The following MALRD1 variants were observed in gnomAD, a reference collection of about 807,000 sequenced individuals.
MALRD1 encodes MAM and LDL receptor class A domain containing 1.
In MALRD1, 247 loss-of-function variants were observed where a neutral mutation model predicts 242.1. The observed-to-expected ratio is 1.02, with a 90% confidence interval of 0.92 to 1.13. MALRD1 has a LOEUF of 1.13. Ranked by LOEUF, MALRD1 falls within the 50% of genes most tolerant of loss-of-function variation. The probability of loss-of-function intolerance (pLI) is 0.00; values close to 1 mark genes in which losing one functional copy is unlikely to be tolerated. For missense variants in MALRD1, 2,989 were observed against 2,533.1 expected, an observed-to-expected ratio of 1.18 and a Z score of -3.86; for synonymous variants, 995 against 866.6, an observed-to-expected ratio of 1.15 and a Z score of -2.60.
chr10:19,634,919 A>T (rs945150485), intron 36 of MALRD1, among the ~76,000 whole-genome samples: 5 of 152,194 alleles, frequency 3.3e-5, no homozygotes, highest in Non-Finnish European at 5.9e-5. Flanking sequence ...GGTTCACCAG[A>T]TGAAACTGGA....
intron 36 of MALRD1, among the ~76,000 whole-genome samples, chr10:19,646,187 AAG>A (rs1383550844): frequency 6.6e-6 from 1 of 152,180 alleles, no homozygotes; most frequent in African/African-American, 2.4e-5. Flanking sequence ...GTTCATTAGG[AAG>A]AGTGTTGGCA....
intron 21 of MALRD1, among the ~76,000 whole-genome samples, chr10:19,292,242 T>A (rs1377620516): frequency 6.6e-6 from 1 of 152,130 alleles, no homozygotes; most frequent in Non-Finnish European, 1.5e-5. Context: ...ACAATGTTTT[T>A]TTCTGTCGTT....
chr10:19,179,222 G>A (rs1005502360), intron 14 of MALRD1, among the ~76,000 whole-genome samples: 1 of 152,164 alleles, frequency 6.6e-6, no homozygotes, highest in Non-Finnish European at 1.5e-5. Context: ...GTTCTGGGAG[G>A]AGAGGAAGTG....
rs180849797 is a variant in MALRD1, at chr10:19,051,832, G to A, written c.199+2695G>A. 1,303 of 152,054 alleles carry A rather than the reference G, an allele frequency of 8.6e-3. 9 individuals are homozygous for A. Among genetic ancestry groups the A allele is most frequent in the Admixed American group, 0.019 (259 of 13,410 alleles). 9.4% of individuals were successfully genotyped at this position (152,054 alleles called of 1,614,324 possible). A position where few individuals can be genotyped will look rare whatever the true frequency, so the allele number is the denominator to read the frequency against. ...AGCTACTTGGGAGGCTGAGGCAGGA[G>A]AATGGTGTGAACCCGGGATGCGGAC... On this transcript the variant is annotated intron_variant, in intron 1 of 39. Coordinates refer to ENST00000454679, the MANE Select transcript of MALRD1 (RefSeq NM_001142308.3).
rs550141920 is a variant in MALRD1, at chr10:19,454,425, T to C, written c.5029+3935T>C. 1.1e-3 allele frequency among the ~76,000 whole-genome samples: 155 copies of C among 139,932 alleles called. 6 individuals carry two copies. The highest frequency in any genetic ancestry group is 2.5e-3 in the African/African-American group (95 of 37,910). The allele number at this position is 139,932 out of a possible 152,430, so 91.8% of individuals were successfully genotyped here. On this transcript the variant is annotated intron_variant, in intron 29 of 39. Coordinates refer to ENST00000454679, the MANE Select transcript of MALRD1 (RefSeq NM_001142308.3). Reference sequence around the variant, plus strand: ...CATATGATATATATATATATATATATATATATAATTATATGATACATACAT... The same window carrying C: ...CATATGATATATATATATATATATACATATATAATTATATGATACATACAT...
intron 36 of MALRD1, among the ~76,000 whole-genome samples, chr10:19,646,612 A>G (rs1401519151): frequency 6.6e-6 from 1 of 152,132 alleles, no homozygotes; most frequent in East Asian, 1.9e-4. Flanking sequence ...CTCAAGAAAA[A>G]AAAAAAATAA....
At chr10:19,417,767 G>A (rs1328562325) in intron 28 of MALRD1, among the ~76,000 whole-genome samples, 2 of 152,098 alleles carry the variant, frequency 1.3e-5, no homozygotes, top group East Asian at 3.9e-4. Context: ...AGTTAATTGA[G>A]CGTAGTTTTA....
At chr10:19,090,386 GT>G (rs1835838201) in intron 4 of MALRD1, among the ~76,000 whole-genome samples, 1 of 14,838 alleles carries the variant, frequency 6.7e-5, no homozygotes, top group Non-Finnish European at 1.2e-4. Context: ...TTGGCTCTCT[GT>G]TTGTCTGTTG....
At chr10:19,055,646 G>A (rs924139345) in intron 1 of MALRD1, among the ~76,000 whole-genome samples, 4 of 152,272 alleles carry the variant, frequency 2.6e-5, no homozygotes, top group East Asian at 3.9e-4. Context: ...TTCTAACATC[G>A]TTTACTGAGG....
At chr10:19,568,712 G>A (rs897691838) in intron 33 of MALRD1, among the ~76,000 whole-genome samples, 5 of 151,754 alleles carry the variant, frequency 3.3e-5, no homozygotes, top group Admixed American at 2.0e-4. Context: ...AGATCATCAA[G>A]GCCTCCTGGT....
intron 24 of MALRD1, among the ~76,000 whole-genome samples, chr10:19,344,298 T>A (rs536402932): frequency 6.6e-6 from 1 of 152,242 alleles, no homozygotes; most frequent in East Asian, 1.9e-4. Flanking sequence ...CATTTTACAT[T>A]TAAGAGTATG....
Position 19,048,943 on chromosome 10 carries a change from T to A in MALRD1, c.5T>A (p.Leu2His), listed in dbSNP as rs916091388. Residue 2 changes from leucine (L) to histidine (H), a missense_variant, in exon 1 of 40, where the codon CTC becomes CAC. Leu to His is a moderately conservative substitution (Grantham distance 99). Transcript: ENST00000454679. ...TCTAATAGACAATACCAAGTAATGC[T>A]CTTCTTCCTGGACAGAATGTTGGCA... MLFFLDRMLAFP... is the reference protein window; with the variant it reads MHFFLDRMLAFP... 25 of 1,233,762 alleles carry A rather than the reference T, an allele frequency of 2.0e-5. No individual in the cohort carries two copies. The highest frequency in any genetic ancestry group is 2.5e-5 in the Non-Finnish European group (25 of 988,100). The allele number at this position is 1,233,762 out of a possible 1,614,324, so 76.4% of individuals were successfully genotyped here.
chr10:19,558,492 T>G (rs991763843), intron 32 of MALRD1, among the ~76,000 whole-genome samples: 1 of 152,362 alleles, frequency 6.6e-6, no homozygotes, highest in Middle Eastern at 3.4e-3. Context: ...ATTGATATAA[T>G]TATTTAATGT....
intron 21 of MALRD1, among the ~76,000 whole-genome samples, chr10:19,307,429 C>T (rs1409591514): frequency 6.6e-6 from 1 of 151,550 alleles, no homozygotes; most frequent in Non-Finnish European, 1.5e-5. Context: ...GAGCTGAATA[C>T]AGCTAGTAAT....
chr10:19,592,761 ACG>A lies in MALRD1; in HGVS notation c.5681-2431_5681-2430del, dbSNP rs1491143912. On this transcript the variant is annotated intron_variant, in intron 33 of 39. Transcript: ENST00000454679. The stretch of plus-strand genomic sequence containing the variant: ...CACACACACACACACACACACACAC[ACG>A]CACGCACACACACACACACACACAC... Among the ~76,000 whole-genome samples, 420 of 132,876 alleles carry A rather than the reference ACG, an allele frequency of 3.2e-3. 5 individuals carry two copies. The East Asian group carries it at 0.062, about 20-fold the overall frequency. The allele number at this position is 132,876 out of a possible 152,430, so 87.2% of individuals were successfully genotyped here. A position where few individuals can be genotyped will look rare whatever the true frequency, so the allele number is the denominator to read the frequency against.
Position 19,643,083 on chromosome 10 carries a change from C to G in MALRD1, c.6137+27160C>G, listed in dbSNP as rs536360799. The stretch of plus-strand genomic sequence containing the variant: ...GTCTTCATATCTCTTTTTTTATATT[C>G]TCTCTGTTGTAGAATTAGTAGTAAT... On this transcript the variant is annotated intron_variant, in intron 36 of 39. Coordinates refer to ENST00000454679, the MANE Select transcript of MALRD1 (RefSeq NM_001142308.3). Among the ~76,000 whole-genome samples the G allele has an allele frequency of 5.9e-5, 9 of 152,022 alleles. No individual in the cohort carries two copies. The South Asian group carries it at 1.9e-3, about 32-fold the overall frequency.
intron 18 of MALRD1, among the ~76,000 whole-genome samples, chr10:19,251,608 C>G (rs1324032946): frequency 1.3e-5 from 2 of 151,940 alleles, no homozygotes; most frequent in East Asian, 3.9e-4. Flanking sequence ...CAAATTTACT[C>G]ATTAGCTTCC....
At chr10:19,561,528 A>T (rs961598276) in intron 32 of MALRD1, among the ~76,000 whole-genome samples, 1 of 152,202 alleles carries the variant, frequency 6.6e-6, no homozygotes, top group Admixed American at 6.5e-5. Context: ...AGGTGCATAC[A>T]CATAAATGAT....
intron 24 of MALRD1, among the ~76,000 whole-genome samples, chr10:19,343,724 G>A (rs996665557): frequency 6.6e-6 from 1 of 152,054 alleles, no homozygotes; most frequent in Non-Finnish European, 1.5e-5. Context: ...ATGCTATTGA[G>A]GTAACCATAC....
Sources: gnomAD v4.1 joint callset for allele counts (sites outside exome capture counted in the v4.1 genomes callset) on GRCh38, gnomAD v4.1.1 for gene constraint, MANE v1.5 for transcripts, NCBI Gene and HGNC (gene_info 2026-07-23, HGNC 2026-07-21) for gene names.